Variants in ZFR observed in about 807,000 individuals in gnomAD.
ZFR encodes the protein zinc finger RNA-binding protein.
A neutral mutation model predicts 130.7 loss-of-function variants in ZFR; 19 were observed. The observed-to-expected ratio is 0.15, with a 90% confidence interval of 0.10 to 0.21. The LOEUF is 0.21. ZFR is among the 10% of genes least tolerant of loss of function. The pLI, the probability that ZFR is intolerant of heterozygous loss-of-function variation, is 1.00. For synonymous variants in ZFR, 466 were observed against 456.9 expected (o/e 1.02, Z -0.25); for missense variants, 872 against 1,321.5 (o/e 0.66, Z 5.27).
At chr5:32,442,282 T>C (rs1183589023) in intron 2 of ZFR, among the ~76,000 whole-genome samples, 1 of 152,180 alleles carries the variant, frequency 6.6e-6, no homozygotes, top group Non-Finnish European at 1.5e-5. Flanking sequence ...GCCAGCAGAT[T>C]TATGGCACAG....
At chr5:32,438,122 T>C (rs2111871083) in intron 2 of ZFR, among the ~76,000 whole-genome samples, 1 of 152,300 alleles carries the variant, frequency 6.6e-6, no homozygotes, top group South Asian at 2.1e-4. Context: ...TCAAAGTGTT[T>C]TGAATACTTC....
intron 2 of ZFR, among the ~76,000 whole-genome samples, chr5:32,427,996 T>TA (rs1754114465): frequency 6.6e-6 from 1 of 152,160 alleles, no homozygotes; most frequent in South Asian, 2.1e-4. Flanking sequence ...ATGTAACAGC[T>TA]AAAACTATAC....
At chr5:32,374,272 A>C (rs1752745153) in intron 17 of ZFR, among the ~76,000 whole-genome samples, 1 of 152,224 alleles carries the variant, frequency 6.6e-6, no homozygotes, top group Middle Eastern at 3.4e-3. Flanking sequence ...TTGTGAGGCC[A>C]AGGTGGGCGG....
At position 32,397,349 on chromosome 5, in the gene ZFR, A is replaced by G; in HGVS notation, c.1714-11T>C. The G allele has an allele frequency of 5.0e-6, 8 of 1,601,956 alleles. No homozygotes were observed. The highest frequency in any genetic ancestry group is 6.8e-6 in the Non-Finnish European group (8 of 1,176,000). On this transcript the variant is annotated splice_polypyrimidine_tract_variant and intron_variant, in intron 9 of 19. Coordinates refer to ENST00000265069, the MANE Select transcript of ZFR (RefSeq NM_016107.5). ...TTCATCATTTCGTACCTTGGTGTGG[A>G]AAAAAAATTCAAGAATCATCATAGT...
intron 2 of ZFR, among the ~76,000 whole-genome samples, chr5:32,441,411 C>T (rs892711454): frequency 2.6e-5 from 4 of 152,012 alleles, no homozygotes; most frequent in South Asian, 4.1e-4. Flanking sequence ...AGGACCGCTA[C>T]GTATACAAAA....
At chr5:32,368,313 G>A (rs6865396) in intron 17 of ZFR, among the ~76,000 whole-genome samples, 60,659 of 151,990 alleles carry the variant, frequency 0.4, 12,297 homozygotes, top group East Asian at 0.56. Flanking sequence ...TCAGCTCACC[G>A]CAACCTCCAC....
At chr5:32,379,040 A>C in intron 17 of ZFR, 75 bp downstream of exon 17, 7 of 1,126,756 alleles carry the variant, frequency 6.2e-6, no homozygotes, top group Non-Finnish European at 8.0e-6. Flanking sequence ...TGATAATTAC[A>C]TGTAAACTGA....
At chr5:32,407,050 T>C (rs370578356) in intron 5 of ZFR, 29 bp from the exon 6 acceptor site, 9 of 1,432,810 alleles carry the variant, frequency 6.3e-6, no homozygotes, top group East Asian at 5.1e-5. Flanking sequence ...ACAAAAATTA[T>C]GTTACATACT....
At chr5:32,425,775 C>T (rs1754060893) in intron 2 of ZFR, among the ~76,000 whole-genome samples, 1 of 152,254 alleles carries the variant, frequency 6.6e-6, no homozygotes, top group African/African-American at 2.4e-5. Flanking sequence ...ATCCACCCGC[C>T]TTGGCCTCCC....
chr5:32,435,904 C>T lies in ZFR; in HGVS notation c.137+8325G>A, dbSNP rs201348240. 8.5e-5 allele frequency among the ~76,000 whole-genome samples: 13 copies of T among 152,238 alleles called. No individual in the cohort carries two copies. In the East Asian group the frequency reaches 2.5e-3, roughly 29 times the overall value. ...AACTTATTTTAAGCAAAATTTTATG[C>T]TATTTTTTTCTGTAGCTCCAAGTGA... On this transcript the variant is annotated intron_variant, in intron 2 of 19. Coordinates refer to ENST00000265069, the MANE Select transcript of ZFR (RefSeq NM_016107.5).
chr5:32,366,818 G>C, intron 17 of ZFR, among the ~76,000 whole-genome samples: 1 of 151,098 alleles, frequency 6.6e-6, no homozygotes, highest in East Asian at 1.9e-4. Context: ...GATGGAAAAA[G>C]CTCCCCATAT....
intron 5 of ZFR, among the ~76,000 whole-genome samples, chr5:32,409,542 A>G (rs570007179): frequency 2.0e-4 from 31 of 151,258 alleles, no homozygotes; most frequent in South Asian, 6.3e-4. Flanking sequence ...AGTAGCTGGG[A>G]TTACAGGCGT....
rs540663022 is a variant in ZFR at position 32,427,374 on chromosome 5, CAA to C, written c.138-7273_138-7272del. On this transcript the variant is annotated intron_variant, in intron 2 of 19. Transcript: ENST00000265069. The stretch of plus-strand genomic sequence containing the variant: ...TGGGCAACACAGCAAGACTCTGTCT[CAA>C]AAAAAAAAAAAAAAAAAAAAGGAAA... 6.3e-3 allele frequency among the ~76,000 whole-genome samples: 417 copies of C among 66,468 alleles called. 8 individuals are homozygous for C. The highest frequency in any genetic ancestry group is 0.059 in the Admixed American group (340 of 5,760). The allele number at this position is 66,468 out of a possible 152,430, so 43.6% of individuals were successfully genotyped here.
intron 5 of ZFR, among the ~76,000 whole-genome samples, chr5:32,410,616 AATT>A (rs1250691937): frequency 1.3e-5 from 2 of 151,710 alleles, no homozygotes; most frequent in Non-Finnish European, 2.9e-5. Context: ...TCAAAAAAAA[AATT>A]AATTAGTAAG....
intron 4 of ZFR, among the ~76,000 whole-genome samples, chr5:32,416,472 G>A (rs929101488): frequency 1.3e-5 from 2 of 152,102 alleles, no homozygotes; most frequent in African/African-American, 2.4e-5. Context: ...GAATTAGCTG[G>A]GCATGGTGGC....
At position 32,380,163 on chromosome 5, in the gene ZFR, G is replaced by A; in HGVS notation, c.2651C>T (p.Ser884Leu). 1.2e-6 allele frequency: 2 copies of A among 1,613,844 alleles called. No homozygotes were observed. The highest frequency in any genetic ancestry group is 8.5e-7 in the Non-Finnish European group (1 of 1,179,778). The change falls in exon 16 of 20, where the codon TCG (serine) becomes TTG (leucine). Residue 884 changes from serine to leucine, a missense_variant. Transcript: ENST00000265069. ...EENMREGDVT[S>L]GMVKDPPDVL... ...GTCCGGTGGGTCTTTCACCATACCC[G>A]AGGTTACATCTAAAATGGATTGAAT...
chr5:32,367,796 T>G (rs574059050), intron 17 of ZFR, among the ~76,000 whole-genome samples: 1 of 152,288 alleles, frequency 6.6e-6, no homozygotes, highest in Non-Finnish European at 1.5e-5. Flanking sequence ...CCAGTTATAA[T>G]AAGAGTAACT....
At chr5:32,415,515 TGC>T (rs70961629) in intron 4 of ZFR, among the ~76,000 whole-genome samples, 3,315 of 97,848 alleles carry the variant, frequency 0.034, 38 homozygotes, top group East Asian at 0.054. Context: ...TGTGTGTGTG[TGC>T]GCGCGCGCGC....
chr5:32,367,362 G>A (rs1392371561), intron 17 of ZFR, among the ~76,000 whole-genome samples: 1 of 152,024 alleles, frequency 6.6e-6, no homozygotes, highest in Non-Finnish European at 1.5e-5. Context: ...TTGAACCTGG[G>A]AGGCGGAGGT....
Sources: gnomAD v4.1 joint callset for allele counts (sites outside exome capture counted in the v4.1 genomes callset) on GRCh38, gnomAD v4.1.1 for gene constraint, MANE v1.5 for transcripts, NCBI Gene and HGNC (gene_info 2026-07-23, HGNC 2026-07-21) for gene names.